TARBP1: variants seen among roughly 807,000 people sequenced by gnomAD.
The protein encoded by TARBP1 is tRNA (guanosine(18)-2'-O)-methyltransferase TARBP1.
Under a neutral mutation model 178.6 loss-of-function variants are expected in TARBP1, and 144 were observed. The observed-to-expected ratio is 0.81, with a 90% CI of 0.70 to 0.93. TARBP1 has a LOEUF of 0.93. TARBP1 is among the 40% of genes least tolerant of loss of function. TARBP1 has a pLI of 0.00. For synonymous variants in TARBP1, 787 were observed against 781.0 expected (o/e 1.01, Z -0.13); for missense variants, 2,067 against 2,011.7 (o/e 1.03, Z -0.53).
intron 12 of TARBP1, among the ~76,000 whole-genome samples, chr1:234,442,287 G>C (rs1053982398): frequency 3.3e-5 from 5 of 152,090 alleles, no homozygotes; most frequent in African/African-American, 1.2e-4. Flanking sequence ...ACACTGTTGA[G>C]AAAATGAAAA....
At chr1:234,439,509 C>T (rs1488556263) in intron 12 of TARBP1, among the ~76,000 whole-genome samples, 1 of 151,986 alleles carries the variant, frequency 6.6e-6, no homozygotes, top group Non-Finnish European at 1.5e-5. Context: ...GTTCAAACTG[C>T]CCAAAAGAGA....
chr1:234,453,967 CAG>C (rs1347351139), intron 9 of TARBP1, among the ~76,000 whole-genome samples: 1 of 152,156 alleles, frequency 6.6e-6, no homozygotes, highest in Non-Finnish European at 1.5e-5. Context: ...GAGATGAAAA[CAG>C]ACACTGATGC....
intron 21 of TARBP1, among the ~76,000 whole-genome samples, chr1:234,419,507 A>G (rs1283381468): frequency 2.6e-5 from 4 of 152,206 alleles, no homozygotes; most frequent in African/African-American, 9.6e-5. Flanking sequence ...AAACAAAACC[A>G]TAAGATATAA....
In TARBP1 at chr1:234,470,839, C is replaced by T. The variant is rs148020044; in HGVS notation, c.1099+349G>A. 4.6e-3 allele frequency among the ~76,000 whole-genome samples: 706 copies of T among 152,306 alleles called. 2 individuals carry two copies. Among genetic ancestry groups the T allele is most frequent in the African/African-American group, 0.016 (678 of 41,558 alleles). On this transcript the variant is annotated intron_variant, in intron 3 of 29. Coordinates refer to ENST00000040877, the MANE Select transcript of TARBP1 (RefSeq NM_005646.4). ...CTATGTTGGCCAGGCTGGTCTTGAA[C>T]TCCTGACCTCAGGTGATCCGCCCAC...
rs192487550 is a variant in TARBP1, at chr1:234,400,104, C to G, written c.4071+1077G>C. Reference sequence around the variant, plus strand: ...ATACAGTTCCTATGAACAATTAAGCCCCATTATTTTATTTACACATACACC... The same window carrying G: ...ATACAGTTCCTATGAACAATTAAGCGCCATTATTTTATTTACACATACACC... On this transcript the variant is annotated intron_variant, in intron 25 of 29. Coordinates refer to ENST00000040877, the MANE Select transcript of TARBP1 (RefSeq NM_005646.4). 5.5e-4 allele frequency: 83 copies of G among 151,088 alleles called. No homozygotes were observed. In the East Asian group the frequency reaches 0.013, roughly 23 times the overall value. 9.4% of individuals were successfully genotyped at this position (151,088 alleles called of 1,614,324 possible). A position where few individuals can be genotyped will look rare whatever the true frequency, so the allele number is the denominator to read the frequency against.
rs199934182 is a variant in TARBP1, at chr1:234,429,462, T to C, written c.2825A>G (p.Asp942Gly). 1.0e-4 allele frequency: 165 copies of C among 1,613,892 alleles called. No homozygotes were observed. The highest frequency in any genetic ancestry group is 1.4e-4 in the Non-Finnish European group (160 of 1,179,984). Residue 942 changes from aspartate to glycine, a missense_variant, in exon 16 of 30, where the codon GAT becomes GGT. By Grantham distance (94) the Asp-to-Gly change is moderately conservative. Coordinates refer to ENST00000040877, the MANE Select transcript of TARBP1 (RefSeq NM_005646.4). ...ALEALTVLSS[D>G]QVLPVFHCLK... ...GCAATGGAACACTGGTAAAACTTGA[T>C]CAGAAGAAAGAACTGTGAGGGCTTC...
At chr1:234,428,697 C>G (rs774454305) in intron 17 of TARBP1, among the ~76,000 whole-genome samples, 23 of 152,132 alleles carry the variant, frequency 1.5e-4, no homozygotes, top group Non-Finnish European at 3.1e-4. Flanking sequence ...AGGCGTGCGC[C>G]ACCACACCTG....
intron 23 of TARBP1, 98 bp downstream of exon 23, chr1:234,410,347 G>T: frequency 1.5e-6 from 1 of 686,828 alleles, no homozygotes; most frequent in Non-Finnish European, 2.5e-6. Context: ...GGGAAAAATT[G>T]CAAACATTCA....
intron 6 of TARBP1, among the ~76,000 whole-genome samples, chr1:234,461,187 CAAT>C (rs1667818621): frequency 6.6e-6 from 1 of 152,132 alleles, no homozygotes; most frequent in Non-Finnish European, 1.5e-5. Flanking sequence ...AATTCTATCT[CAAT>C]AAAGCTGTTG....
chr1:234,455,842 T>TA (rs1383084091), intron 9 of TARBP1, among the ~76,000 whole-genome samples: 1 of 145,154 alleles, frequency 6.9e-6, no homozygotes, highest in Non-Finnish European at 1.5e-5. Context: ...ACAAATCAAG[T>TA]AAAAAAGAAA....
At chr1:234,409,899 T>G (rs1320283522) in intron 23 of TARBP1, among the ~76,000 whole-genome samples, 3 of 152,224 alleles carry the variant, frequency 2.0e-5, no homozygotes, top group Non-Finnish European at 4.4e-5. Context: ...CCATAGTGAT[T>G]AACCAAAATT....
Position 234,472,770 on chromosome 1 carries a change from G to T in TARBP1, c.973C>A (p.Leu325Ile). 1.2e-6 allele frequency: 2 copies of T among 1,603,940 alleles called. No individual in the cohort carries two copies. The highest frequency in any genetic ancestry group is 1.7e-6 in the Non-Finnish European group (2 of 1,177,454). Residue 325 changes from leucine to isoleucine, a missense_variant, in exon 2 of 30, where the codon CTT becomes ATT. Coordinates refer to ENST00000040877, the MANE Select transcript of TARBP1 (RefSeq NM_005646.4). ...FWWSERKKDE[L>I]LKFWENYILI... ...ATATAATTTTCCCAAAACTTTAGAAGCTCATCTTTTTTCCTCTCAGACCAC... is the reference window on the plus strand; with the variant it reads ...ATATAATTTTCCCAAAACTTTAGAATCTCATCTTTTTTCCTCTCAGACCAC...
chr1:234,403,465 T>C (rs966940616), intron 24 of TARBP1, among the ~76,000 whole-genome samples: 1 of 152,218 alleles, frequency 6.6e-6, no homozygotes, highest in African/African-American at 2.4e-5. Context: ...TTTTAAAACT[T>C]TCCTCATCAC....
At chr1:234,455,500 T>C (rs1667181558) in intron 9 of TARBP1, among the ~76,000 whole-genome samples, 1 of 152,158 alleles carries the variant, frequency 6.6e-6, no homozygotes. Context: ...CAAGCTTTAC[T>C]TTACAAAAAA....
In TARBP1 at chr1:234,401,092, C is replaced by A; in HGVS notation, c.4071+89G>T. On this transcript the variant is annotated intron_variant, in intron 25 of 29. Coordinates refer to ENST00000040877, the MANE Select transcript of TARBP1 (RefSeq NM_005646.4). ...GTTTGTAAGCAAGAAAAAAACTTTA[C>A]CCTAATCACAACCCTTCAACAAAAG... 2.9e-6 allele frequency: 3 copies of A among 1,049,182 alleles called. 1 individual carries two copies. The highest frequency in any genetic ancestry group is 4.2e-6 in the Non-Finnish European group (3 of 721,288). The allele number at this position is 1,049,182 out of a possible 1,614,324, so 65.0% of individuals were successfully genotyped here.
intron 26 of TARBP1, among the ~76,000 whole-genome samples, chr1:234,394,724 T>C (rs1659743429): frequency 6.6e-6 from 1 of 152,198 alleles, no homozygotes; most frequent in South Asian, 2.1e-4. Flanking sequence ...GCAAGTACCT[T>C]GGTTTAGTGC....
intron 12 of TARBP1, among the ~76,000 whole-genome samples, chr1:234,439,817 A>AAAG (rs1309271032): frequency 2.0e-5 from 3 of 152,166 alleles, no homozygotes; most frequent in Non-Finnish European, 4.4e-5. Context: ...CAGAGATTTC[A>AAAG]AAGTTCCTCT....
At chr1:234,433,649 G>C (rs1664706846) in intron 13 of TARBP1, 78 bp from the exon 14 acceptor site, 1 of 1,403,332 alleles carries the variant, frequency 7.1e-7, no homozygotes. Context: ...TCAGGCAGGA[G>C]AAGTTTACTT....
At chr1:234,460,088 A>C (rs904125537) in intron 7 of TARBP1, among the ~76,000 whole-genome samples, 173 bp downstream of exon 7, 8 of 152,246 alleles carry the variant, frequency 5.3e-5, no homozygotes, top group African/African-American at 1.2e-4. Context: ...AAGTTCAACT[A>C]TACGAATAAT....
Sources: allele counts gnomAD v4.1 joint callset (sites outside exome capture counted in the v4.1 genomes callset), GRCh38; gene constraint gnomAD v4.1.1; transcripts MANE v1.5; gene names NCBI Gene and HGNC (gene_info 2026-07-23, HGNC 2026-07-21).